Variants in ITGA2 observed in about 807,000 individuals in gnomAD.
The protein encoded by ITGA2 is integrin subunit alpha 2.
Under a neutral mutation model 146.3 loss-of-function variants are expected in ITGA2, and 101 were observed. That is an observed-to-expected ratio of 0.69 (90% CI 0.59 to 0.81). The LOEUF is 0.81. Among genes scored for constraint, ITGA2 ranks in the 40% least tolerant of loss-of-function variants. The pLI is 0.00. For missense variants in ITGA2, 1,281 were observed against 1,402.7 expected (o/e 0.91, Z 1.39); for synonymous variants, 477 against 487.1 (o/e 0.98, Z 0.27).
intron 1 of ITGA2, among the ~76,000 whole-genome samples, chr5:53,020,421 A>G (rs932204677): frequency 6.6e-5 from 10 of 152,192 alleles, no homozygotes; most frequent in Non-Finnish European, 1.3e-4. Flanking sequence ...TTTTAAGTCT[A>G]TAGGCATAAA....
intron 1 of ITGA2, among the ~76,000 whole-genome samples, chr5:53,020,227 A>G (rs1195767714): frequency 3.3e-5 from 5 of 152,240 alleles, no homozygotes; most frequent in African/African-American, 7.2e-5. Flanking sequence ...TTAGTTTTGT[A>G]TTATGGACAG....
intron 10 of ITGA2, among the ~76,000 whole-genome samples, chr5:53,058,566 T>C (rs1409520027): frequency 6.6e-6 from 1 of 151,764 alleles, no homozygotes; most frequent in Non-Finnish European, 1.5e-5. Context: ...GGAATTGGAA[T>C]ACAACACTGT....
At chr5:53,047,839 G>T (rs1413150029) in intron 4 of ITGA2, among the ~76,000 whole-genome samples, 1 of 152,198 alleles carries the variant, frequency 6.6e-6, no homozygotes, top group Admixed American at 6.5e-5. Context: ...TGTTCAGCAA[G>T]AACAATGATA....
chr5:53,021,331 G>GTT (rs1412110225), intron 1 of ITGA2, among the ~76,000 whole-genome samples: 1 of 152,064 alleles, frequency 6.6e-6, no homozygotes, highest in African/African-American at 2.4e-5. Context: ...TATAAAGTGT[G>GTT]TTTTCTTAGG....
At chr5:53,060,170 T>C (rs542909098) in intron 11 of ITGA2, among the ~76,000 whole-genome samples, 158 bp downstream of exon 11, 1 of 152,106 alleles carries the variant, frequency 6.6e-6, no homozygotes, top group South Asian at 2.1e-4. Context: ...CAATCGGGCC[T>C]TAAGGCATAA....
At chr5:53,041,573 G>C (rs3212436) in intron 2 of ITGA2, among the ~76,000 whole-genome samples, 57,079 of 151,912 alleles carry the variant, frequency 0.38, 10,974 homozygotes, top group Middle Eastern at 0.46. Flanking sequence ...TTAGAGCTGT[G>C]CTGAACAATA....
intron 2 of ITGA2, among the ~76,000 whole-genome samples, chr5:53,032,678 C>G (rs927783617): frequency 1.3e-5 from 2 of 152,082 alleles, no homozygotes; most frequent in Non-Finnish European, 2.9e-5. Flanking sequence ...GTAAGAGAAA[C>G]TTTCAGAATC....
chr5:53,037,868 T>C (rs553053967), intron 2 of ITGA2, among the ~76,000 whole-genome samples: 1 of 152,346 alleles, frequency 6.6e-6, no homozygotes, highest in East Asian at 1.9e-4. Flanking sequence ...GTGTTAAGAG[T>C]TTAAGATAGC....
intron 1 of ITGA2, among the ~76,000 whole-genome samples, chr5:53,021,603 T>A (rs1579809858): frequency 6.6e-6 from 1 of 152,196 alleles, no homozygotes; most frequent in East Asian, 1.9e-4. Context: ...TTGCTCACTA[T>A]CCTCTGCCCT....
chr5:53,013,969 G>T (rs1742279387), intron 1 of ITGA2, among the ~76,000 whole-genome samples: 1 of 152,062 alleles, frequency 6.6e-6, no homozygotes, highest in Non-Finnish European at 1.5e-5. Context: ...CTGAAACTTT[G>T]TTGAAGTTGC....
In ITGA2 at chr5:53,094,490, A is replaced by G. The variant is rs777807757; in HGVS notation, c.*3891A>G. ...GGATATTTTCCTTTATACATAATAG[A>G]TAAGTCTTTTTTCAAATGTGGTGTT... On this transcript the variant is annotated 3_prime_UTR_variant, in exon 30 of 30. Transcript: ENST00000296585. 2.6e-5 allele frequency: 4 copies of G among 152,162 alleles called. No individual in the cohort carries two copies. Among genetic ancestry groups the G allele is most frequent in the African/African-American group, 7.2e-5 (3 of 41,444 alleles). 9.4% of individuals were successfully genotyped at this position (152,162 alleles called of 1,614,324 possible). A position where few individuals can be genotyped will look rare whatever the true frequency, so the allele number is the denominator to read the frequency against.
chr5:53,089,264 T>G (rs1740290171), intron 28 of ITGA2: 1 of 152,112 alleles, frequency 6.6e-6, no homozygotes, highest in Non-Finnish European at 1.5e-5. Flanking sequence ...AGAGAATGCT[T>G]GAGACACTTT....
intron 27 of ITGA2, among the ~76,000 whole-genome samples, chr5:53,084,993 A>G (rs944439344): frequency 6.6e-6 from 1 of 152,210 alleles, no homozygotes; most frequent in Non-Finnish European, 1.5e-5. Context: ...TGGTGGTTAA[A>G]CTAAGAAAAC....
intron 11 of ITGA2, among the ~76,000 whole-genome samples, chr5:53,060,319 A>AT (rs1427817334): frequency 6.6e-6 from 1 of 151,966 alleles, no homozygotes; most frequent in Non-Finnish European, 1.5e-5. Context: ...GTCTTATAGT[A>AT]TTTTAGAGCT....
At chr5:53,009,954 A>G (rs1742039685) in intron 1 of ITGA2, among the ~76,000 whole-genome samples, 1 of 152,170 alleles carries the variant, frequency 6.6e-6, no homozygotes, top group African/African-American at 2.4e-5. Context: ...CACCCAGTCT[A>G]TGGTACTTTG....
In ITGA2 at chr5:53,073,121, A is replaced by G. The variant is rs1216302148; in HGVS notation, c.2433A>G (p.Glu811=). 6.2e-7 allele frequency: 1 copy of G among 1,611,910 alleles called. No homozygotes were observed. The highest frequency in any genetic ancestry group is 8.5e-7 in the Non-Finnish European group (1 of 1,178,640). Residue 811 remains glutamate (E), a synonymous_variant, in exon 20 of 30, where the codon GAA becomes GAG. Transcript: ENST00000296585. ...LDVRQIPAAQ[E]QPFIVSNQNK... ...CCCTCCTTTTTACTTTTAACAGAGAACAACCCTTTATTGTCAGCAACCAAA... is the reference window on the plus strand; with the variant it reads ...CCCTCCTTTTTACTTTTAACAGAGAGCAACCCTTTATTGTCAGCAACCAAA...
At chr5:53,001,571 T>C (rs1482482313) in intron 1 of ITGA2, among the ~76,000 whole-genome samples, 1 of 152,154 alleles carries the variant, frequency 6.6e-6, no homozygotes, top group Non-Finnish European at 1.5e-5. Context: ...AGACAAAAAG[T>C]GATTCAACTC....
rs185138730 is a variant in ITGA2 at position 53,029,360 on chromosome 5, T to C, written c.185+2492T>C. Among the ~76,000 whole-genome samples, 5 of 152,310 alleles carry C rather than the reference T, an allele frequency of 3.3e-5. No homozygotes were observed. In the South Asian group the frequency reaches 6.2e-4, roughly 19 times the overall value. On this transcript the variant is annotated intron_variant, in intron 2 of 29. Transcript: ENST00000296585. ...TTGGGTGTCAGCCTCTCTCCTATTA[T>C]CATCTTTTACACCTTCTCCTCTGCT... is the stretch of plus-strand genomic sequence containing the variant.
Position 53,029,144 on chromosome 5 carries a change from C to T in ITGA2, c.185+2276C>T, listed in dbSNP as rs1275946238. 3.3e-5 allele frequency among the ~76,000 whole-genome samples: 5 copies of T among 152,208 alleles called. No individual in the cohort carries two copies. In the East Asian group the frequency reaches 5.8e-4, roughly 18 times the overall value. ...AAAATCAGCCAGGTGTGGTGGCGGG[C>T]GCCTGTAATCCCAGCTACTCCAGAG... On this transcript the variant is annotated intron_variant, in intron 2 of 29. Transcript: ENST00000296585.
Sources: gnomAD v4.1 joint callset for allele counts (sites outside exome capture counted in the v4.1 genomes callset) on GRCh38, gnomAD v4.1.1 for gene constraint, MANE v1.5 for transcripts, NCBI Gene and HGNC (gene_info 2026-07-23, HGNC 2026-07-21) for gene names.